Variants in PTPRN2 observed in about 807,000 individuals in gnomAD.
The protein encoded by PTPRN2 is protein tyrosine phosphatase receptor type N2, also known as receptor-type tyrosine-protein phosphatase N2.
A neutral mutation model predicts 118.8 loss-of-function variants in PTPRN2; 74 were observed. That is an observed-to-expected ratio of 0.62 (90% CI 0.52 to 0.76). The LOEUF is 0.76. Ranked by LOEUF, PTPRN2 falls within the 30% of genes least tolerant of loss-of-function variation. The probability of loss-of-function intolerance (pLI) is 0.00; values close to 1 mark genes in which losing one functional copy is unlikely to be tolerated. For synonymous variants in PTPRN2, 641 were observed against 608.0 expected (o/e 1.05, Z -0.80); for missense variants, 1,481 against 1,394.4 (o/e 1.06, Z -0.99).
chr7:158,352,024 CCCCTCCT>C (rs1808006542), intron 2 of PTPRN2, among the ~76,000 whole-genome samples: 3 of 137,786 alleles, frequency 2.2e-5, no homozygotes, highest in African/African-American at 8.0e-5. Context: ...CCTGACCGCT[CCCCTCCT>C]GTCCGCTCCC....
intron 15 of PTPRN2, chr7:157,613,944 G>A (rs1563263224): frequency 4.4e-6 from 2 of 454,772 alleles, no homozygotes; most frequent in Non-Finnish European, 9.1e-6. Flanking sequence ...ATGGCCAGGG[G>A]CGACCCTCCC....
intron 11 of PTPRN2, among the ~76,000 whole-genome samples, chr7:157,924,626 C>T (rs140827971): frequency 1.7e-4 from 26 of 152,342 alleles, no homozygotes; most frequent in Middle Eastern, 3.4e-3. Flanking sequence ...GGGGAGGACA[C>T]CTCGCTTTAT....
intron 11 of PTPRN2, among the ~76,000 whole-genome samples, chr7:158,035,477 A>AG (rs1202791228): frequency 6.6e-6 from 1 of 152,300 alleles, no homozygotes. Context: ...AGTGGCAGGC[A>AG]GGGGGGTCTG....
At chr7:158,149,052 C>A (rs1312272181) in intron 6 of PTPRN2, among the ~76,000 whole-genome samples, 8 of 135,520 alleles carry the variant, frequency 5.9e-5, no homozygotes, top group Non-Finnish European at 1.3e-4. Flanking sequence ...CACTGACACC[C>A]CATCTCATGC....
At chr7:157,693,674 G>A (rs1032294256) in intron 12 of PTPRN2, among the ~76,000 whole-genome samples, 1 of 152,108 alleles carries the variant, frequency 6.6e-6, no homozygotes, top group African/African-American at 2.4e-5. Context: ...GCGTCGCCTC[G>A]GGGAGCTCCC....
At chr7:158,408,561 G>A (rs1321177455) in intron 2 of PTPRN2, among the ~76,000 whole-genome samples, 6 of 152,196 alleles carry the variant, frequency 3.9e-5, no homozygotes, top group South Asian at 2.1e-4. Flanking sequence ...TCCAGAAAAT[G>A]ACATTTATTA....
At chr7:157,965,357 C>T (rs951482990) in intron 11 of PTPRN2, among the ~76,000 whole-genome samples, 1 of 152,118 alleles carries the variant, frequency 6.6e-6, no homozygotes, top group African/African-American at 2.4e-5. Flanking sequence ...GAGACGGTGC[C>T]CCTCACCAGG....
intron 2 of PTPRN2, among the ~76,000 whole-genome samples, chr7:158,483,442 G>T (rs1820783434): frequency 6.6e-6 from 1 of 152,194 alleles, no homozygotes; most frequent in African/African-American, 2.4e-5. Flanking sequence ...TAATCACATA[G>T]CTTCAAAGAA....
rs923946395 is a variant in PTPRN2, at chr7:157,734,387, T to G, written c.1789-51450A>C. Among the ~76,000 whole-genome samples, 3 of 152,242 alleles carry G rather than the reference T, an allele frequency of 2.0e-5. No homozygotes were observed. The East Asian group carries it at 5.8e-4, about 29-fold the overall frequency. On this transcript the variant is annotated intron_variant, in intron 12 of 22. Coordinates refer to ENST00000389418, the MANE Select transcript of PTPRN2 (RefSeq NM_002847.5). ...AGTCATAGGCTTCCAGGGTAGGTAC[T>G]GTCAATGTTTGTTCCAGGAAAACCC... is the stretch of plus-strand genomic sequence containing the variant.
chr7:157,581,526 C>T (rs1384375743), intron 17 of PTPRN2, among the ~76,000 whole-genome samples: 4 of 152,330 alleles, frequency 2.6e-5, no homozygotes, highest in South Asian at 4.1e-4. Context: ...CCTGAGCCAT[C>T]TCGACGCGCC....
intron 21 of PTPRN2, 21 bp downstream of exon 21, chr7:157,568,881 G>A (rs374336693): frequency 1.3e-6 from 2 of 1,537,094 alleles, no homozygotes; most frequent in African/African-American, 2.7e-5. Flanking sequence ...CCGCAACAAA[G>A]CGGCAGTGTC....
chr7:157,608,393 G>A (rs912655522), intron 15 of PTPRN2, among the ~76,000 whole-genome samples: 2 of 152,054 alleles, frequency 1.3e-5, no homozygotes, highest in Non-Finnish European at 2.9e-5. Context: ...TTTGTAATAT[G>A]GGGTCATTTG....
intron 11 of PTPRN2, among the ~76,000 whole-genome samples, chr7:158,078,984 G>GT (rs1464959642): frequency 6.6e-6 from 1 of 152,110 alleles, no homozygotes; most frequent in Admixed American, 6.5e-5. Flanking sequence ...AGTAGCTGAG[G>GT]TTTGAGCCAC....
intron 2 of PTPRN2, among the ~76,000 whole-genome samples, chr7:158,444,380 A>T (rs1817583421): frequency 6.6e-6 from 1 of 152,168 alleles, no homozygotes; most frequent in South Asian, 2.1e-4. Flanking sequence ...CCAAGTCCCC[A>T]CCCACGGCCA....
intron 5 of PTPRN2, among the ~76,000 whole-genome samples, chr7:158,174,416 C>T (rs1823999530): frequency 1.3e-5 from 2 of 152,020 alleles, no homozygotes; most frequent in South Asian, 4.1e-4. Flanking sequence ...AGCATCCCCA[C>T]CATTATCACT....
rs192880787 is a variant in PTPRN2 at position 158,166,941 on chromosome 7, G to A, written c.900C>T (p.Ser300=). ...GCGGGGCTGGCTCACCATCGCCTGT[G>A]CTGGAGGGGTCTTCGGAATCTCCCA... The part of the protein sequence containing the change: ...SPLGDSEDPS[S]TGDGARIHTL... The change falls in exon 6 of 23, where the codon AGC becomes AGT. Residue 300 remains serine, a synonymous_variant. Transcript: ENST00000389418. The A allele has an allele frequency of 3.5e-6, 5 of 1,443,536 alleles. No individual in the cohort carries two copies. The African/African-American group carries it at 7.2e-5, about 21-fold the overall frequency. 89.4% of individuals were successfully genotyped at this position (1,443,536 alleles called of 1,614,324 possible).
intron 3 of PTPRN2, among the ~76,000 whole-genome samples, chr7:158,218,087 G>A (rs894938650): frequency 2.3e-4 from 35 of 152,118 alleles, no homozygotes; most frequent in Non-Finnish European, 4.4e-4. Flanking sequence ...AAGGAATTCA[G>A]AAAACCCCTG....
At chr7:158,331,035 T>C (rs1346719464) in intron 2 of PTPRN2, among the ~76,000 whole-genome samples, 1 of 137,516 alleles carries the variant, frequency 7.3e-6, no homozygotes, top group African/African-American at 2.8e-5. Flanking sequence ...ACTCTCACCA[T>C]AAGAGGTGAC....
rs185893861 is a variant in PTPRN2, at chr7:158,146,893, T to A, written c.911-8378A>T. 3.3e-5 allele frequency among the ~76,000 whole-genome samples: 5 copies of A among 151,942 alleles called. No individual in the cohort carries two copies. In the East Asian group the frequency reaches 9.7e-4, roughly 29 times the overall value. On this transcript the variant is annotated intron_variant, in intron 6 of 22. Coordinates refer to ENST00000389418, the MANE Select transcript of PTPRN2 (RefSeq NM_002847.5). Reference sequence around the variant, plus strand: ...AACAGTTTACAGGGAAAATACACCATTAAGATCCTGTGAAGAGACTGAATG... The same window carrying A: ...AACAGTTTACAGGGAAAATACACCAATAAGATCCTGTGAAGAGACTGAATG...
Sources: allele counts gnomAD v4.1 joint callset (sites outside exome capture counted in the v4.1 genomes callset), GRCh38; gene constraint gnomAD v4.1.1; transcripts MANE v1.5; gene names NCBI Gene and HGNC (gene_info 2026-07-23, HGNC 2026-07-21).